NAV1: variants seen among roughly 807,000 people sequenced by gnomAD.
NAV1 encodes the protein pore membrane and/or filament interacting like protein 3.
A neutral mutation model predicts 175.2 loss-of-function variants in NAV1; 18 were observed. The observed-to-expected ratio is 0.10, with a 90% confidence interval of 0.07 to 0.15. The LOEUF (loss-of-function observed/expected upper bound fraction) is 0.15. Among genes scored for constraint, NAV1 ranks in the 10% least tolerant of loss-of-function variants. The probability of loss-of-function intolerance (pLI) is 1.00; values close to 1 mark genes in which losing one functional copy is unlikely to be tolerated. For missense variants in NAV1, 1,731 were observed against 2,436.6 expected, an observed-to-expected ratio of 0.71 and a Z score of 6.10; for synonymous variants, 897 against 978.7, an observed-to-expected ratio of 0.92 and a Z score of 1.56.
At chr1:201,825,153 T>C (rs2102856599) in exon 30 of NAV1, 1 of 152,302 alleles carries the variant, frequency 6.6e-6, no homozygotes, top group East Asian at 1.9e-4. Flanking sequence ...AGAATGTTTG[T>C]GTCTTTCCTA....
chr1:201,690,774 G>A (rs964392595), intron 1 of NAV1, among the ~76,000 whole-genome samples: 1 of 152,128 alleles, frequency 6.6e-6, no homozygotes, highest in Admixed American at 6.6e-5. Context: ...CAGTGTGTGT[G>A]TCTGTTTCCT....
chr1:201,559,950 C>T (rs1458268334), intron 1 of NAV1, among the ~76,000 whole-genome samples: 2 of 152,180 alleles, frequency 1.3e-5, no homozygotes, highest in African/African-American at 2.4e-5. Flanking sequence ...GGCACGTGTC[C>T]CCTCCTTCTC....
At chr1:201,622,346 G>A (rs1010285642), upstream of NAV1, among the ~76,000 whole-genome samples, 1 of 152,238 alleles carries the variant, frequency 6.6e-6, no homozygotes, top group African/African-American at 2.4e-5. Context: ...AGCAGCATGT[G>A]GAAGAAGGTT....
chr1:201,658,425 T>C (rs1558043575), intron 1 of NAV1, among the ~76,000 whole-genome samples: 2 of 151,126 alleles, frequency 1.3e-5, no homozygotes, highest in Non-Finnish European at 2.9e-5. Context: ...GCTACAGAAG[T>C]GATGTGAGTT....
chr1:201,625,290 A>G (rs1187595105), intron 1 of NAV1, among the ~76,000 whole-genome samples: 1 of 152,194 alleles, frequency 6.6e-6, no homozygotes, highest in Admixed American at 6.5e-5. Flanking sequence ...GATGAATTAG[A>G]TTTACTTGGT....
intron 1 of NAV1, among the ~76,000 whole-genome samples, chr1:201,700,772 G>A (rs936908302): frequency 3.9e-5 from 6 of 152,120 alleles, no homozygotes; most frequent in Non-Finnish European, 7.3e-5. Flanking sequence ...AGCACTTTGG[G>A]AGGCCGAGGC....
chr1:201,766,886 G>A (rs889995406), intron 3 of NAV1, among the ~76,000 whole-genome samples: 4 of 151,938 alleles, frequency 2.6e-5, no homozygotes, highest in Non-Finnish European at 4.4e-5. Flanking sequence ...GCAGTGGCGC[G>A]ATCTCAGCTC....
exon 7 of NAV1, chr1:201,783,492 G>C: frequency 6.2e-7 from 1 of 1,614,154 alleles, no homozygotes; most frequent in Non-Finnish European, 8.5e-7. Context: ...CCATCATCCA[G>C]TGATACCACC....
At chr1:201,608,966 A>G (rs1667770275) in intron 2 of NAV1, among the ~76,000 whole-genome samples, 1 of 152,208 alleles carries the variant, frequency 6.6e-6, no homozygotes, top group African/African-American at 2.4e-5. Flanking sequence ...TGGAGAACAG[A>G]AACACATAAG....
At chr1:201,592,690 AAGG>A (rs1400179486) in intron 2 of NAV1, among the ~76,000 whole-genome samples, 1 of 152,074 alleles carries the variant, frequency 6.6e-6, no homozygotes, top group Non-Finnish European at 1.5e-5. Context: ...AGAGAGTGGC[AAGG>A]AGGAGATAAT....
chr1:201,820,962 A>C (rs1212695763), exon 30 of NAV1: 1 of 151,996 alleles, frequency 6.6e-6, no homozygotes, highest in African/African-American at 2.4e-5. Context: ...CTGCCATGCC[A>C]CTATCTTTGG....
At chr1:201,671,914 T>C (rs1243195963) in intron 1 of NAV1, among the ~76,000 whole-genome samples, 1 of 152,208 alleles carries the variant, frequency 6.6e-6, no homozygotes, top group Non-Finnish European at 1.5e-5. Context: ...AGGCCCAGCT[T>C]AGGGTAAAAT....
intron 1 of NAV1, among the ~76,000 whole-genome samples, chr1:201,665,597 C>CG: frequency 1.4e-5 from 1 of 73,534 alleles, no homozygotes; most frequent in Non-Finnish European, 2.7e-5. Flanking sequence ...CCCACCCCCC[C>CG]CACTGCCCAC....
intron 2 of NAV1, among the ~76,000 whole-genome samples, chr1:201,640,693 G>A (rs1159063471): frequency 6.6e-6 from 1 of 152,224 alleles, no homozygotes; most frequent in Non-Finnish European, 1.5e-5. Context: ...AGGGAGAAAA[G>A]ATGCTGCTGG....
chr1:201,772,455 C>A (rs1394420668), intron 3 of NAV1, among the ~76,000 whole-genome samples: 1 of 151,984 alleles, frequency 6.6e-6, no homozygotes, highest in Non-Finnish European at 1.5e-5. Context: ...CAGCTGGTCA[C>A]CTAATAGGAA....
intron 2 of NAV1, among the ~76,000 whole-genome samples, chr1:201,634,791 A>G (rs1169886565): frequency 6.6e-6 from 1 of 152,150 alleles, no homozygotes; most frequent in Non-Finnish European, 1.5e-5. Context: ...CCCCGTGGCT[A>G]CCTTGGACTC....
At chr1:201,772,263 T>A (rs1675636053) in intron 3 of NAV1, among the ~76,000 whole-genome samples, 2 of 152,224 alleles carry the variant, frequency 1.3e-5, no homozygotes, top group Admixed American at 1.3e-4. Context: ...ACTTGGCATT[T>A]GATCTGGAAA....
At chr1:201,662,274 C>T (rs1669641369) in intron 1 of NAV1, among the ~76,000 whole-genome samples, 1 of 152,274 alleles carries the variant, frequency 6.6e-6, no homozygotes, top group African/African-American at 2.4e-5. Flanking sequence ...CATCCCTGGA[C>T]CCACTTGGGT....
At chr1:201,721,671 C>A (rs775234543) in intron 3 of NAV1, among the ~76,000 whole-genome samples, 1 of 152,224 alleles carries the variant, frequency 6.6e-6, no homozygotes, top group Non-Finnish European at 1.5e-5. Flanking sequence ...CTCCACACTG[C>A]GACACCCCTG....
Sources: gnomAD v4.1 joint callset for allele counts (sites outside exome capture counted in the v4.1 genomes callset) on GRCh38, gnomAD v4.1.1 for gene constraint, MANE v1.5 for transcripts, NCBI Gene and HGNC (gene_info 2026-07-23, HGNC 2026-07-21) for gene names.